The following ASTN2 variants were observed in gnomAD, a reference collection of about 807,000 sequenced individuals.
ASTN2 encodes the protein astrotactin-2.
In ASTN2, 54 loss-of-function variants were observed where a neutral mutation model predicts 139.8. The observed-to-expected ratio is 0.39, with a 90% CI of 0.31 to 0.48. The LOEUF is 0.48. Ranked by LOEUF, ASTN2 falls within the 20% of genes least tolerant of loss-of-function variation. The pLI is 0.95. For missense variants in ASTN2, 1,565 were observed against 1,725.1 expected (o/e 0.91, Z 1.64); for synonymous variants, 756 against 719.5 (o/e 1.05, Z -0.81).
intron 2 of ASTN2, among the ~76,000 whole-genome samples, chr9:117,269,140 C>G (rs1834003377): frequency 6.6e-6 from 1 of 152,256 alleles, no homozygotes; most frequent in East Asian, 1.9e-4. Flanking sequence ...AGTACTTCTC[C>G]CAGCCATGTG....
At chr9:116,635,274 G>A (rs9697091) in intron 17 of ASTN2, among the ~76,000 whole-genome samples, 88,016 of 151,882 alleles carry the variant, frequency 0.58, 25,998 homozygotes, top group East Asian at 0.86. Context: ...ACGGAGCTCA[G>A]GTAGGCTAAG....
chr9:116,500,659 A>C (rs2119135032), intron 19 of ASTN2, among the ~76,000 whole-genome samples: 1 of 152,334 alleles, frequency 6.6e-6, no homozygotes, highest in African/African-American at 2.4e-5. Context: ...GGCTTTGCTA[A>C]ATGATTCTAA....
intron 5 of ASTN2, among the ~76,000 whole-genome samples, chr9:117,073,248 C>A (rs555659412): frequency 6.6e-6 from 1 of 152,260 alleles, no homozygotes; most frequent in Non-Finnish European, 1.5e-5. Flanking sequence ...TATGACCAGG[C>A]CTGGCTGACC....
chr9:116,520,382 A>G (rs557436399), intron 19 of ASTN2, among the ~76,000 whole-genome samples: 100 of 152,284 alleles, frequency 6.6e-4, no homozygotes, highest in African/African-American at 2.3e-3. Flanking sequence ...CCACATAAAC[A>G]TAATTTAAAA....
chr9:116,671,934 G>C (rs1407046950), intron 16 of ASTN2, among the ~76,000 whole-genome samples: 2 of 152,144 alleles, frequency 1.3e-5, no homozygotes, highest in East Asian at 3.8e-4. Context: ...GCAGAGAAAC[G>C]AGATAACCTG....
intron 17 of ASTN2, among the ~76,000 whole-genome samples, chr9:116,642,673 T>G (rs1168373095): frequency 1.3e-5 from 2 of 152,144 alleles, no homozygotes; most frequent in Non-Finnish European, 2.9e-5. Flanking sequence ...GGGATGAGCA[T>G]CCAAAGATCC....
chr9:116,699,953 T>C lies in ASTN2; in HGVS notation c.2806+25818A>G. On this transcript the variant is annotated intron_variant, in intron 16 of 22. Transcript: ENST00000313400. This position sits in a 1 kb window ranked among gnomAD's most constrained non-coding sequence, Gnocchi z 4.2. ...ACACACGATGGTGTTAGCTGAAGTT[T>C]GATTAGCAATTAGGCACTTCCAAGG... is the stretch of plus-strand genomic sequence containing the variant. 1 of 596,772 alleles carries C rather than the reference T, an allele frequency of 1.7e-6. No individual in the cohort carries two copies. The highest frequency in any genetic ancestry group is 3.1e-5 in the Admixed American group (1 of 32,016). 37.0% of individuals were successfully genotyped at this position (596,772 alleles called of 1,614,324 possible). A position where few individuals can be genotyped will look rare whatever the true frequency, so the allele number is the denominator to read the frequency against.
chr9:117,024,788 C>A (rs1838008276), intron 6 of ASTN2, among the ~76,000 whole-genome samples: 1 of 152,030 alleles, frequency 6.6e-6, no homozygotes, highest in Admixed American at 6.6e-5. Context: ...TGTGTCCACA[C>A]CCAAATCTCA....
chr9:116,434,328 C>G (rs1329132301), intron 22 of ASTN2, among the ~76,000 whole-genome samples: 1 of 152,122 alleles, frequency 6.6e-6, no homozygotes, highest in Non-Finnish European at 1.5e-5. Context: ...GCTCTTGTTC[C>G]CAATATCTTA....
At chr9:116,618,163 A>G (rs138474977) in intron 19 of ASTN2, among the ~76,000 whole-genome samples, 161 bp downstream of exon 19, 2 of 152,318 alleles carry the variant, frequency 1.3e-5, no homozygotes, top group Admixed American at 1.3e-4. Flanking sequence ...TCAAATTCAT[A>G]CAAAACAGCA....
chr9:117,003,953 C>CGCGCGCGCGTGTGT (rs1218309835), intron 7 of ASTN2, among the ~76,000 whole-genome samples: 6 of 146,224 alleles, frequency 4.1e-5, no homozygotes, highest in African/African-American at 1.6e-4. Flanking sequence ...CGCGCGCGCG[C>CGCGCGCGCGTGTGT]GTGTGTGTGT....
chr9:117,006,580 C>T (rs1466310503), intron 7 of ASTN2, among the ~76,000 whole-genome samples: 2 of 152,150 alleles, frequency 1.3e-5, no homozygotes, highest in South Asian at 4.1e-4. Context: ...TTGAACACCC[C>T]TGAATCAACT....
intron 1 of ASTN2, among the ~76,000 whole-genome samples, chr9:117,322,183 CCT>C (rs772271977): frequency 2.6e-5 from 4 of 152,040 alleles, no homozygotes; most frequent in Non-Finnish European, 5.9e-5. Context: ...ATAGACCCCT[CCT>C]CTGTTTGACA....
intron 19 of ASTN2, among the ~76,000 whole-genome samples, chr9:116,571,127 TG>T (rs1359860368): frequency 2.0e-5 from 3 of 152,180 alleles, no homozygotes; most frequent in African/African-American, 7.2e-5. Context: ...GACTCAGATA[TG>T]ATTCGGTGCC....
At position 117,286,132 on chromosome 9, in the gene ASTN2, C is replaced by G. The variant is rs571027256; in HGVS notation, c.630+5194G>C. 3.9e-5 allele frequency among the ~76,000 whole-genome samples: 6 copies of G among 152,056 alleles called. No individual in the cohort carries two copies. In the South Asian group the frequency reaches 6.2e-4, roughly 16 times the overall value. On this transcript the variant is annotated intron_variant, in intron 2 of 22. Transcript: ENST00000313400. Reference sequence around the variant, plus strand: ...GAAAGAGTAGAATTATATGACCAACCCTCTGAACCACAAGTGATAACTATT... The same window carrying G: ...GAAAGAGTAGAATTATATGACCAACGCTCTGAACCACAAGTGATAACTATT...
rs1554723307 is a variant in ASTN2, at chr9:116,632,205, A to AAAAAGAAAGAAAGAAAGAAAG, written c.3073-11763_3073-11762insCTTTCTTTCTTTCTTTCTTTT. ...GAGAGGGAGAGAGAGAGAAAGAAAG[A>AAAAAGAAAGAAAGAAAGAAAG]AAAGAAAGAAAGAAAGAAAGAAAGA... On this transcript the variant is annotated intron_variant, in intron 17 of 22. Coordinates refer to ENST00000313400, the MANE Select transcript of ASTN2 (RefSeq NM_001365068.1). Among the ~76,000 whole-genome samples the AAAAAGAAAGAAAGAAAGAAAG allele has an allele frequency of 3.4e-3, 155 of 45,290 alleles. 3 individuals are homozygous for AAAAAGAAAGAAAGAAAGAAAG. The highest frequency in any genetic ancestry group is 0.016 in the East Asian group (25 of 1,548). The allele number at this position is 45,290 out of a possible 152,430, so 29.7% of individuals were successfully genotyped here.
chr9:116,905,065 C>T (rs1017944208), intron 10 of ASTN2, among the ~76,000 whole-genome samples: 18 of 152,128 alleles, frequency 1.2e-4, no homozygotes, highest in Admixed American at 5.9e-4. Context: ...GCCTTGGGAG[C>T]CTCTTGTCTC....
At chr9:116,891,661 C>T (rs1833764611) in intron 10 of ASTN2, among the ~76,000 whole-genome samples, 2 of 152,214 alleles carry the variant, frequency 1.3e-5, no homozygotes, top group South Asian at 4.1e-4. Flanking sequence ...ATGAACTTAA[C>T]ATTTGGCCTC....
rs555093131 is a variant in ASTN2 at position 116,479,445 on chromosome 9, G to T, written c.3497+7914C>A. ...GTGGTGTCCTGAGGGTGGTGGACAG[G>T]CCAGCAATGCTCCATCCAAGGCTCT... is the stretch of plus-strand genomic sequence containing the variant. On this transcript the variant is annotated intron_variant, in intron 20 of 22. Transcript: ENST00000313400. Among the ~76,000 whole-genome samples the T allele has an allele frequency of 2.0e-5, 3 of 148,634 alleles. No individual in the cohort carries two copies. The South Asian group carries it at 6.7e-4, about 33-fold the overall frequency.
Sources: allele counts gnomAD v4.1 joint callset (sites outside exome capture counted in the v4.1 genomes callset), GRCh38; gene constraint gnomAD v4.1.1; non-coding constraint Gnocchi (gnomAD v3.1); transcripts MANE v1.5; gene names NCBI Gene and HGNC (gene_info 2026-07-23, HGNC 2026-07-21).